The following DSE variants were observed in gnomAD, a reference collection of about 807,000 sequenced individuals.
DSE encodes dermatan sulfate epimerase, also known as dermatan-sulfate epimerase.
In DSE, 36 loss-of-function variants were observed where a neutral mutation model predicts 84.4. The ratio of observed to expected loss-of-function variants is 0.43; its 90% CI spans 0.33 to 0.56. The LOEUF (loss-of-function observed/expected upper bound fraction) is 0.56. Among genes scored for constraint, DSE ranks in the 20% least tolerant of loss-of-function variants. DSE has a pLI of 0.06. For missense variants in DSE, 862 were observed against 1,169.6 expected (o/e 0.74, Z 3.84); for synonymous variants, 410 against 430.1 (o/e 0.95, Z 0.58).
Position 116,375,739 on chromosome 6 carries a change from T to C in DSE, c.-54+4618T>C, listed in dbSNP as rs1214430370. 1.5e-4 allele frequency among the ~76,000 whole-genome samples: 23 copies of C among 152,360 alleles called. 1 individual carries two copies. On this transcript the variant is annotated intron_variant, in intron 1 of 5. Transcript: ENST00000644252. ...TTCATATGCATTTAGAGAATTGCCGTAAAGGAAAATCCCTGAACATACATC... is the reference window on the plus strand; with the variant it reads ...TTCATATGCATTTAGAGAATTGCCGCAAAGGAAAATCCCTGAACATACATC...
intron 1 of DSE, among the ~76,000 whole-genome samples, chr6:116,258,162 C>T (rs1184309797): frequency 1.3e-5 from 2 of 151,914 alleles, no homozygotes; most frequent in Admixed American, 6.6e-5. Flanking sequence ...ATTACAGGCA[C>T]CTGCCACCAT....
intron 2 of DSE, among the ~76,000 whole-genome samples, chr6:116,273,208 T>C (rs1351385598): frequency 6.6e-6 from 1 of 152,220 alleles, no homozygotes; most frequent in Non-Finnish European, 1.5e-5. Flanking sequence ...CATATAGGTG[T>C]TCACAAAAAT....
chr6:116,287,524 G>A (rs1773994501), intron 2 of DSE, among the ~76,000 whole-genome samples: 1 of 151,900 alleles, frequency 6.6e-6, no homozygotes, highest in Admixed American at 6.6e-5. Flanking sequence ...TACAATTGAT[G>A]TCTCAAATTA....
chr6:116,381,641 G>A (rs1011084163), intron 1 of DSE, among the ~76,000 whole-genome samples: 11 of 152,110 alleles, frequency 7.2e-5, no homozygotes, highest in Non-Finnish European at 1.0e-4. Flanking sequence ...GCTGTGGTAA[G>A]GATTAAATAA....
At chr6:116,258,284 G>C (rs1443489627) in intron 1 of DSE, among the ~76,000 whole-genome samples, 1 of 152,074 alleles carries the variant, frequency 6.6e-6, no homozygotes, top group Non-Finnish European at 1.5e-5. Flanking sequence ...TCAAAGAGCT[G>C]GGATTACAGG....
At chr6:116,328,858 G>A (rs1458457417) in intron 2 of DSE, among the ~76,000 whole-genome samples, 1 of 151,804 alleles carries the variant, frequency 6.6e-6, no homozygotes, top group Non-Finnish European at 1.5e-5. Context: ...CCAAGGATGG[G>A]ATAAGGAGAG....
upstream of DSE, chr6:116,370,642 A>G (rs1475456229): frequency 1.4e-6 from 1 of 712,358 alleles, no homozygotes; most frequent in African/African-American, 1.9e-5. Flanking sequence ...AAACTAGAAC[A>G]AGTTAGAGCC....
intron 2 of DSE, among the ~76,000 whole-genome samples, chr6:116,280,878 C>T (rs756039458): frequency 2.0e-5 from 3 of 152,234 alleles, no homozygotes; most frequent in Non-Finnish European, 4.4e-5. Context: ...CAAAGGGCAA[C>T]ATGCAGCTGG....
At chr6:116,307,564 T>C (rs1182856469) in intron 2 of DSE, among the ~76,000 whole-genome samples, 1 of 152,246 alleles carries the variant, frequency 6.6e-6, no homozygotes, top group East Asian at 1.9e-4. Context: ...GAGATGCTGT[T>C]ACTAATAAAT....
chr6:116,385,319 T>C (rs1342803785), intron 1 of DSE, among the ~76,000 whole-genome samples: 1 of 152,160 alleles, frequency 6.6e-6, no homozygotes, highest in Non-Finnish European at 1.5e-5. Context: ...GAATTAGGAT[T>C]GAACAGGATC....
chr6:116,391,764 TA>T (rs77486984), intron 1 of DSE, among the ~76,000 whole-genome samples: 291 of 119,274 alleles, frequency 2.4e-3, no homozygotes, highest in Admixed American at 2.9e-3. Flanking sequence ...GACTCCGTCT[TA>T]AAAAAAAAAA....
At position 116,431,186 on chromosome 6, in the gene DSE, C is replaced by T. The variant is rs762452336; in HGVS notation, c.903C>T (p.Ile301=). 14 of 1,614,082 alleles carry T rather than the reference C, an allele frequency of 8.7e-6. No individual in the cohort carries two copies. The highest frequency in any genetic ancestry group is 1.3e-5 in the African/African-American group (1 of 75,046). The change falls in exon 4 of 6, where the codon ATC becomes ATT. Residue 301 remains isoleucine (I), a synonymous_variant. Coordinates refer to ENST00000644252, the MANE Select transcript of DSE (RefSeq NM_013352.4). ...ACTTTGCATTTATGTATAGAACCAT[C>T]CTGCCAGGTATAGTGAGGAGTCAGA... ...KQHFAFMYRT[I]LPGFQRTVAI...
chr6:116,382,963 A>G (rs1014630685), intron 1 of DSE, among the ~76,000 whole-genome samples: 3 of 152,340 alleles, frequency 2.0e-5, no homozygotes, highest in Admixed American at 2.0e-4. Context: ...CAGGAGAGTC[A>G]CACCTAGAGT....
chr6:116,384,864 T>C (rs1780479189), intron 1 of DSE, among the ~76,000 whole-genome samples: 1 of 151,976 alleles, frequency 6.6e-6, no homozygotes, highest in South Asian at 2.1e-4. Flanking sequence ...ACAAAATAAA[T>C]AAGTAAATTA....
At chr6:116,268,584 T>C (rs377447160) in intron 2 of DSE, among the ~76,000 whole-genome samples, 8 of 152,216 alleles carry the variant, frequency 5.3e-5, no homozygotes, top group South Asian at 4.1e-4. Context: ...ATTCACGATG[T>C]CTAGCATCCC....
At chr6:116,435,527 T>C in intron 5 of DSE, 60 bp from the exon 6 acceptor site, 3 of 1,465,098 alleles carry the variant, frequency 2.0e-6, no homozygotes, top group Non-Finnish European at 2.8e-6. Context: ...CACATTACCA[T>C]GTTATGTGTT....
chr6:116,369,688 C>G (rs1203732254), upstream of DSE: 1 of 311,244 alleles, frequency 3.2e-6, no homozygotes, highest in African/African-American at 2.2e-5. Flanking sequence ...TAGTGGTTCA[C>G]CTGAGTGAAC....
In DSE at chr6:116,265,801, A is replaced by G. The variant is rs1772596483; in HGVS notation, c.-54+6834A>G. Among the ~76,000 whole-genome samples the G allele has an allele frequency of 5.3e-5, 8 of 152,260 alleles. No individual in the cohort carries two copies. In the South Asian group the frequency reaches 1.7e-3, roughly 32 times the overall value. ...CAGATCTGACAGTTCCCCTAGGGTTAACATCTCCTATGTGAGCAAGTCAAG... is the reference window on the plus strand; with the variant it reads ...CAGATCTGACAGTTCCCCTAGGGTTGACATCTCCTATGTGAGCAAGTCAAG... On this transcript the variant is annotated intron_variant, in intron 2 of 3. Transcript: ENST00000430252.
chr6:116,357,898 T>G (rs2114870242), intron 2 of DSE, among the ~76,000 whole-genome samples: 1 of 152,362 alleles, frequency 6.6e-6, no homozygotes, highest in East Asian at 1.9e-4. Flanking sequence ...ATGTATTTCC[T>G]TCTGAATGCC....
Sources: gnomAD v4.1 joint callset for allele counts (sites outside exome capture counted in the v4.1 genomes callset) on GRCh38, gnomAD v4.1.1 for gene constraint, MANE v1.5 for transcripts, NCBI Gene and HGNC (gene_info 2026-07-23, HGNC 2026-07-21) for gene names.